Variants in VWA3A observed in about 807,000 individuals in gnomAD.
The protein encoded by VWA3A is von Willebrand factor A domain-containing protein 3A.
VWA3A carries 134 observed loss-of-function variants against 160.4 expected under a neutral mutation model. The observed-to-expected ratio is 0.84, with a 90% CI of 0.73 to 0.96. VWA3A has a LOEUF of 0.96. Ranked by LOEUF, VWA3A falls within the 40% of genes least tolerant of loss-of-function variation. VWA3A has a pLI of 0.00. For missense variants in VWA3A, 1,310 were observed against 1,447.9 expected (o/e 0.90, Z 1.55); for synonymous variants, 476 against 543.4 (o/e 0.88, Z 1.72).
intron 19 of VWA3A, 73 bp from the exon 20 acceptor site, chr16:22,132,827 G>T: frequency 6.8e-7 from 1 of 1,474,786 alleles, no homozygotes; most frequent in Non-Finnish European, 9.2e-7. Context: ...ACATGGCCAG[G>T]CTGGGCTGCC....
At chr16:22,108,107 T>C (rs190612723) in intron 6 of VWA3A, among the ~76,000 whole-genome samples, 1 of 152,278 alleles carries the variant, frequency 6.6e-6, no homozygotes, top group Admixed American at 6.5e-5. Flanking sequence ...TTGACATGTG[T>C]GGTTTCAGAG....
intron 22 of VWA3A, among the ~76,000 whole-genome samples, chr16:22,139,902 C>A (rs752270019): frequency 1.3e-5 from 2 of 152,148 alleles, no homozygotes; most frequent in Non-Finnish European, 2.9e-5. Context: ...CACATGCATA[C>A]ATACACATAT....
At chr16:22,136,907 A>G (rs1003030039) in intron 21 of VWA3A, among the ~76,000 whole-genome samples, 2 of 150,818 alleles carry the variant, frequency 1.3e-5, no homozygotes, top group African/African-American at 4.9e-5. Flanking sequence ...ACACACACAC[A>G]CACACACACA....
chr16:22,116,445 G>T (rs2045649751), intron 9 of VWA3A: 1 of 446,138 alleles, frequency 2.2e-6, no homozygotes, highest in Non-Finnish European at 4.2e-6. Flanking sequence ...AAGAGAGAGA[G>T]AGGAGAAGGA....
At position 22,100,223 on chromosome 16, in the gene VWA3A, A is replaced by C; in HGVS notation, c.255A>C (p.Ser85=). Residue 85 remains serine, a synonymous_variant, in exon 4 of 34, where the codon TCA becomes TCC. Transcript: ENST00000389398. The part of the protein sequence containing the change: ...LRLQGSETQS[S]DWEDSEDWLS... ...TGCAGGGGAGTGAGACCCAGTCTTC[A>C]GATTGGGAGGACTCTGAAGACTGGC... The C allele has an allele frequency of 6.5e-7, 1 of 1,550,248 alleles. No homozygotes were observed. The highest frequency in any genetic ancestry group is 8.7e-7 in the Non-Finnish European group (1 of 1,146,816).
chr16:22,128,733 G>A (rs567294248), intron 17 of VWA3A, among the ~76,000 whole-genome samples: 23 of 152,256 alleles, frequency 1.5e-4, no homozygotes, highest in African/African-American at 4.6e-4. Context: ...CATATACCAC[G>A]GAATACTATG....
chr16:22,116,835 A>C lies in VWA3A; in HGVS notation c.892A>C (p.Ile298Leu). 6.2e-7 allele frequency: 1 copy of C among 1,613,414 alleles called. No homozygotes were observed. ...TMGRDLIIHF[I>L]TYRCDDQMPP... is the part of the protein sequence containing the mutation. ...GGGAAGAGACCTCATCATCCACTTC[A>C]TCACCTACAGATGCGATGATCAGAT... Residue 298 changes from isoleucine to leucine, a missense_variant, in exon 10 of 34, where the codon ATC becomes CTC. Physicochemically the swap from Ile to Leu is conservative, Grantham distance 5. Coordinates refer to ENST00000389398, the MANE Select transcript of VWA3A (RefSeq NM_173615.5).
At chr16:22,115,832 G>GGGAGGGAAGGAA (rs2045621869) in intron 9 of VWA3A, among the ~76,000 whole-genome samples, 1 of 88,164 alleles carries the variant, frequency 1.1e-5, no homozygotes, top group Non-Finnish European at 2.8e-5. Context: ...GTGAGACCCA[G>GGGAGGGAAGGAA]GGAAGGAAGG....
chr16:22,151,683 A>G (rs1193711036), intron 30 of VWA3A, among the ~76,000 whole-genome samples: 1 of 151,194 alleles, frequency 6.6e-6, no homozygotes, highest in African/African-American at 2.4e-5. Context: ...ACCAGCCTGG[A>G]TATCATAGCA....
intron 17 of VWA3A, among the ~76,000 whole-genome samples, chr16:22,128,303 C>G (rs1776908096): frequency 6.6e-6 from 1 of 152,134 alleles, no homozygotes; most frequent in South Asian, 2.1e-4. Context: ...GGATGTAATA[C>G]TGGAGGGAAG....
chr16:22,113,043 G>A (rs1449633380), intron 8 of VWA3A, among the ~76,000 whole-genome samples: 1 of 152,368 alleles, frequency 6.6e-6, no homozygotes, highest in Middle Eastern at 3.4e-3. Context: ...ACTTTAGGTG[G>A]AGCAGTGACA....
At chr16:22,149,714 CT>C in intron 28 of VWA3A, 72 bp from the exon 29 acceptor site, 1 of 1,462,206 alleles carries the variant, frequency 6.8e-7, no homozygotes, top group East Asian at 2.5e-5. Flanking sequence ...TGAATTCAAT[CT>C]AGACAGGCCT....
rs750625227 is a variant in VWA3A at position 22,146,262 on chromosome 16, G to A, written c.2757G>A (p.Thr919=). 14 of 1,613,482 alleles carry A rather than the reference G, an allele frequency of 8.7e-6. No individual in the cohort carries two copies. Among genetic ancestry groups the A allele is most frequent in the South Asian group, 5.5e-5 (5 of 91,010 alleles). ...GAGTGGTGAGACACATCCAGTGGACGCCCAGGGAGATGGAGGTGTACATCA... is the reference window on the plus strand; with the variant it reads ...GAGTGGTGAGACACATCCAGTGGACACCCAGGGAGATGGAGGTGTACATCA... ...IHGVVRHIQW[T]PREMEVYIRH... The change falls in exon 27 of 34, where the codon ACG becomes ACA. Residue 919 remains threonine (T), a synonymous_variant. Transcript: ENST00000389398.
chr16:22,150,049 A>C, intron 29 of VWA3A, 118 bp downstream of exon 29: 2 of 1,325,110 alleles, frequency 1.5e-6, no homozygotes, highest in Non-Finnish European at 2.0e-6. Flanking sequence ...AAAGCACTAC[A>C]TCATTTCATC....
chr16:22,115,051 C>T (rs1306096415), intron 8 of VWA3A, among the ~76,000 whole-genome samples: 1 of 151,964 alleles, frequency 6.6e-6, no homozygotes, highest in Non-Finnish European at 1.5e-5. Context: ...AAGTGATCCA[C>T]CCACCTCGGC....
rs1371154528 is a variant in VWA3A, at chr16:22,109,497, A to G, written c.499A>G (p.Lys167Glu). 1.2e-6 allele frequency: 2 copies of G among 1,606,750 alleles called. No individual in the cohort carries two copies. Among genetic ancestry groups the G allele is most frequent in the South Asian group, 2.2e-5 (2 of 89,352 alleles). Residue 167 changes from lysine (K) to glutamate (E), a missense_variant, in exon 7 of 34, where the codon AAA becomes GAA. Transcript: ENST00000389398. ...TTGGTTTTAGGCATTTGGCCTCATC[A>G]AAGGGGCCAGAGTCAGCATCCTCAT... is the stretch of plus-strand genomic sequence containing the variant. ...ENSKKAFGLI[K>E]GARVSILIDV...
chr16:22,138,185 T>G (rs528339192), intron 21 of VWA3A, among the ~76,000 whole-genome samples, 175 bp from the exon 22 acceptor site: 1 of 151,728 alleles, frequency 6.6e-6, no homozygotes, highest in African/African-American at 2.4e-5. Context: ...GTCTTACTGT[T>G]GTTCATAGGA....
At chr16:22,131,359 C>T (rs2045945069) in intron 18 of VWA3A, 80 bp downstream of exon 18, 16 of 1,530,062 alleles carry the variant, frequency 1.0e-5, no homozygotes, top group African/African-American at 1.4e-5. Flanking sequence ...CCCCTCTCCA[C>T]CAAGAAGTAG....
chr16:22,111,047 A>G, intron 8 of VWA3A, 53 bp downstream of exon 8: 1 of 1,462,456 alleles, frequency 6.8e-7, no homozygotes. Context: ...TTTCCTCCCT[A>G]ACCAGCAGAG....
Sources: gnomAD v4.1 joint callset for allele counts (sites outside exome capture counted in the v4.1 genomes callset) on GRCh38, gnomAD v4.1.1 for gene constraint, MANE v1.5 for transcripts, NCBI Gene and HGNC (gene_info 2026-07-23, HGNC 2026-07-21) for gene names.